Variants in PTPRD observed in about 807,000 individuals in gnomAD.
PTPRD encodes the protein protein tyrosine phosphatase receptor type D.
In PTPRD, 34 loss-of-function variants were observed where a neutral mutation model predicts 214.5. That is an observed-to-expected ratio of 0.16 (90% CI 0.12 to 0.21). The LOEUF is 0.21. Among genes scored for constraint, PTPRD ranks in the 10% least tolerant of loss-of-function variants. The probability of loss-of-function intolerance (pLI) is 1.00; values close to 1 mark genes in which losing one functional copy is unlikely to be tolerated. For synonymous variants in PTPRD, 1,128 were observed against 845.7 expected (o/e 1.33, Z -5.79); for missense variants, 2,545 against 2,398.7 (o/e 1.06, Z -1.27).
intron 2 of PTPRD, among the ~76,000 whole-genome samples, chr9:10,342,621 C>T (rs1046860918): frequency 6.6e-6 from 1 of 152,030 alleles, no homozygotes; most frequent in Non-Finnish European, 1.5e-5. Context: ...AATACACTTA[C>T]TTAGAGTATA....
At chr9:10,366,074 A>C (rs2097509797) in intron 2 of PTPRD, among the ~76,000 whole-genome samples, 1 of 152,180 alleles carries the variant, frequency 6.6e-6, no homozygotes, top group East Asian at 1.9e-4. Flanking sequence ...GGAATGTGCT[A>C]AAAAACACTG....
chr9:9,664,088 T>TAAAAAAAAAAAAAAAAAAAAAA (rs71319290), intron 7 of PTPRD, among the ~76,000 whole-genome samples: 1 of 114,536 alleles, frequency 8.7e-6, no homozygotes. Context: ...CACTCCTGTG[T>TAAAAAAAAAAAAAAAAAAAAAA]AAAAAAAAAA....
intron 9 of PTPRD, among the ~76,000 whole-genome samples, chr9:9,332,682 C>G (rs1267786888): frequency 6.6e-6 from 1 of 151,178 alleles, no homozygotes; most frequent in East Asian, 1.9e-4. Context: ...AGCTCTTGAA[C>G]TTTGAAGTAA....
chr9:9,880,631 G>C (rs1451930642), intron 5 of PTPRD, among the ~76,000 whole-genome samples: 6 of 152,110 alleles, frequency 3.9e-5, no homozygotes, highest in Admixed American at 6.6e-5. Context: ...TTGGGACTCT[G>C]TGTGTGTTGT....
At chr9:10,471,766 T>C (rs925705792) in intron 2 of PTPRD, among the ~76,000 whole-genome samples, 11 of 152,140 alleles carry the variant, frequency 7.2e-5, no homozygotes, top group African/African-American at 2.7e-4. Context: ...TAACATATTT[T>C]ATATTTTAAG....
intron 2 of PTPRD, among the ~76,000 whole-genome samples, chr9:10,509,061 G>A (rs950315153): frequency 6.6e-6 from 1 of 152,004 alleles, no homozygotes; most frequent in Non-Finnish European, 1.5e-5. Flanking sequence ...ATTCTCCACT[G>A]TAAATTTATT....
chr9:9,523,116 T>C (rs949142254), intron 8 of PTPRD, among the ~76,000 whole-genome samples: 1 of 152,168 alleles, frequency 6.6e-6, no homozygotes, highest in Non-Finnish European at 1.5e-5. Context: ...ATAGGCAAAG[T>C]CCAGAAACAT....
intron 2 of PTPRD, among the ~76,000 whole-genome samples, chr9:10,496,643 C>T (rs1381901961): frequency 1.3e-5 from 2 of 151,990 alleles, no homozygotes; most frequent in Admixed American, 1.3e-4. Flanking sequence ...TGAATAATAG[C>T]CATTCTGACT....
intron 9 of PTPRD, among the ~76,000 whole-genome samples, chr9:9,198,398 T>C (rs1310772930): frequency 6.6e-6 from 1 of 152,118 alleles, no homozygotes; most frequent in East Asian, 1.9e-4. Flanking sequence ...TGTAGCCCTC[T>C]GTCAAATAGG....
rs961332633 is a variant in PTPRD at position 10,193,913 on chromosome 9, C to T, written c.-545+147050G>A. 7.2e-5 allele frequency among the ~76,000 whole-genome samples: 11 copies of T among 152,084 alleles called. No individual in the cohort carries two copies. In the South Asian group the frequency reaches 1.7e-3, roughly 23 times the overall value. ...GAATCACATGCTTTGTTAGATGCTC[C>T]GAAACACGTTCCATTATAACTGTTA... On this transcript the variant is annotated intron_variant, in intron 3 of 45. Transcript: ENST00000381196.
At chr9:8,404,248 C>T (rs950689186) in intron 36 of PTPRD, among the ~76,000 whole-genome samples, 2 of 152,254 alleles carry the variant, frequency 1.3e-5, no homozygotes, top group East Asian at 1.9e-4. Flanking sequence ...CCTGCCTCAG[C>T]GTCCTGAGTA....
At chr9:10,480,755 C>T (rs2099092683) in intron 2 of PTPRD, among the ~76,000 whole-genome samples, 1 of 151,768 alleles carries the variant, frequency 6.6e-6, no homozygotes, top group Non-Finnish European at 1.5e-5. Flanking sequence ...TTGAATCAAA[C>T]TATAAAAGAA....
intron 11 of PTPRD, among the ~76,000 whole-genome samples, chr9:8,832,359 G>C (rs1452446847): frequency 1.4e-5 from 2 of 144,654 alleles, no homozygotes; most frequent in African/African-American, 5.1e-5. Flanking sequence ...AATCATGAAA[G>C]CAGAAAAACA....
chr9:8,692,253 C>T (rs1324794759), intron 12 of PTPRD, among the ~76,000 whole-genome samples: 1 of 152,206 alleles, frequency 6.6e-6, no homozygotes, highest in African/African-American at 2.4e-5. Flanking sequence ...TAGCTGAACA[C>T]AATAACATTA....
At chr9:8,753,928 T>A (rs377003266) in intron 11 of PTPRD, among the ~76,000 whole-genome samples, 2 of 152,116 alleles carry the variant, frequency 1.3e-5, no homozygotes, top group Admixed American at 1.3e-4. Flanking sequence ...TTGGATCACC[T>A]GAGGTCAGGA....
At chr9:10,610,501 A>G (rs933360395) in intron 2 of PTPRD, among the ~76,000 whole-genome samples, 3 of 143,902 alleles carry the variant, frequency 2.1e-5, no homozygotes, top group African/African-American at 7.5e-5. Flanking sequence ...TTATTTTTCA[A>G]TAATTAAGTT....
intron 12 of PTPRD, among the ~76,000 whole-genome samples, chr9:8,685,208 C>T (rs910363990): frequency 6.8e-6 from 1 of 146,406 alleles, no homozygotes; most frequent in Non-Finnish European, 1.5e-5. Context: ...AACCATCTTT[C>T]AAAGGAAACA....
chr9:9,210,598 A>C (rs2099947893), intron 9 of PTPRD, among the ~76,000 whole-genome samples: 1 of 151,890 alleles, frequency 6.6e-6, no homozygotes, highest in African/African-American at 2.4e-5. Flanking sequence ...TTTTTGCTTG[A>C]GAACACTTGC....
intron 10 of PTPRD, among the ~76,000 whole-genome samples, chr9:9,079,639 A>G (rs186528185): frequency 5.9e-5 from 9 of 152,208 alleles, no homozygotes; most frequent in African/African-American, 2.2e-4. Flanking sequence ...TGAATTAGTT[A>G]GCTGTCGGTC....
Sources: gnomAD v4.1 joint callset for allele counts (sites outside exome capture counted in the v4.1 genomes callset) on GRCh38, gnomAD v4.1.1 for gene constraint, MANE v1.5 for transcripts, NCBI Gene and HGNC (gene_info 2026-07-23, HGNC 2026-07-21) for gene names.